COL24A1: variants seen among roughly 807,000 people sequenced by gnomAD.
The protein encoded by COL24A1 is collagen alpha-1(XXIV) chain.
Under a neutral mutation model 253.9 loss-of-function variants are expected in COL24A1, and 224 were observed. That is an observed-to-expected ratio of 0.88 (90% CI 0.79 to 0.99). The LOEUF (loss-of-function observed/expected upper bound fraction) is 0.99, where lower values mean the gene tolerates loss of function less well. Among genes scored for constraint, COL24A1 ranks in the 50% least tolerant of loss-of-function variants. The pLI, the probability that COL24A1 is intolerant of heterozygous loss-of-function variation, is 0.00. For synonymous variants in COL24A1, 685 were observed against 673.7 expected, an observed-to-expected ratio of 1.02 and a Z score of -0.26; for missense variants, 2,131 against 2,068.5, an observed-to-expected ratio of 1.03 and a Z score of -0.59.
At chr1:86,062,601 A>T (rs78292740) in intron 8 of COL24A1, among the ~76,000 whole-genome samples, 7,035 of 152,172 alleles carry the variant, frequency 0.046, 311 homozygotes, top group African/African-American at 0.11. Flanking sequence ...CTTGTGAAGT[A>T]TCAGGTTTCC....
At chr1:86,116,283 C>T (rs189198185) in intron 3 of COL24A1, among the ~76,000 whole-genome samples, 71 of 152,190 alleles carry the variant, frequency 4.7e-4, no homozygotes, top group Admixed American at 1.8e-3. Flanking sequence ...AAATAGTACA[C>T]GATTTCAAAT....
At chr1:86,105,709 G>A (rs1238175028) in intron 5 of COL24A1, among the ~76,000 whole-genome samples, 1 of 152,174 alleles carries the variant, frequency 6.6e-6, no homozygotes, top group Non-Finnish European at 1.5e-5. Flanking sequence ...CACTGGCTGA[G>A]TGCTGCTCCT....
intron 7 of COL24A1, among the ~76,000 whole-genome samples, chr1:86,079,795 A>T (rs970031613): frequency 2.0e-5 from 3 of 152,190 alleles, no homozygotes; most frequent in Non-Finnish European, 2.9e-5. Flanking sequence ...ATGTGGAAAA[A>T]GGAGAATCCT....
chr1:86,009,487 C>T (rs752068632), intron 19 of COL24A1, among the ~76,000 whole-genome samples: 10 of 152,088 alleles, frequency 6.6e-5, no homozygotes, highest in Non-Finnish European at 1.2e-4. Context: ...AGGCTACAAA[C>T]CTGTACAGTA....
At chr1:86,013,686 A>T (rs1696745047) in intron 19 of COL24A1, among the ~76,000 whole-genome samples, 1 of 152,086 alleles carries the variant, frequency 6.6e-6, no homozygotes, top group Non-Finnish European at 1.5e-5. Flanking sequence ...AAATACAAAA[A>T]TTAGCCAGGT....
chr1:86,104,150 T>C lies in COL24A1; in HGVS notation c.1599+8417A>G, dbSNP rs150243860. ...GAAAGCCAGTCTTCAAGCTCTGAGATCTTTCTTCGGCTTGGTCTGTTTTAA... is the reference window on the plus strand; with the variant it reads ...GAAAGCCAGTCTTCAAGCTCTGAGACCTTTCTTCGGCTTGGTCTGTTTTAA... On this transcript the variant is annotated intron_variant, in intron 5 of 59. Coordinates refer to ENST00000370571, the MANE Select transcript of COL24A1 (RefSeq NM_152890.7). Among the ~76,000 whole-genome samples, 407 of 152,300 alleles carry C rather than the reference T, an allele frequency of 2.7e-3. 15 individuals are homozygous for C. In the East Asian group the frequency reaches 0.045, roughly 17 times the overall value.
At chr1:86,090,720 A>T (rs1703433872) in intron 6 of COL24A1, among the ~76,000 whole-genome samples, 1 of 152,136 alleles carries the variant, frequency 6.6e-6, no homozygotes, top group South Asian at 2.1e-4. Context: ...CCATTTTAGG[A>T]ATACCTCTAT....
At chr1:86,143,189 G>T (rs1651403964) in intron 2 of COL24A1, among the ~76,000 whole-genome samples, 1 of 152,084 alleles carries the variant, frequency 6.6e-6, no homozygotes, top group Non-Finnish European at 1.5e-5. Flanking sequence ...TAAGGAAATA[G>T]ACTATGAAAA....
At chr1:85,943,428 CCTGA>C (rs1157866977) in intron 24 of COL24A1, among the ~76,000 whole-genome samples, 18 of 152,314 alleles carry the variant, frequency 1.2e-4, no homozygotes, top group African/African-American at 4.3e-4. Context: ...TCTGAAGAAT[CCTGA>C]CTAACACAAA....
At chr1:85,939,687 T>G (rs1445564737) in intron 24 of COL24A1, among the ~76,000 whole-genome samples, 1 of 152,170 alleles carries the variant, frequency 6.6e-6, no homozygotes, top group Admixed American at 6.5e-5. Flanking sequence ...TTTATAAGTT[T>G]TTTTTGGAAT....
chr1:85,865,124 T>A (rs1441559866), intron 37 of COL24A1, among the ~76,000 whole-genome samples: 1 of 151,906 alleles, frequency 6.6e-6, no homozygotes, highest in Non-Finnish European at 1.5e-5. Context: ...CATTCTGCAG[T>A]CCTCTAGGAA....
At chr1:85,980,705 G>A (rs750612366) in intron 20 of COL24A1, among the ~76,000 whole-genome samples, 3 of 152,042 alleles carry the variant, frequency 2.0e-5, no homozygotes, top group South Asian at 2.1e-4. Flanking sequence ...CCAGGAGATC[G>A]AGACCATCCT....
intron 5 of COL24A1, among the ~76,000 whole-genome samples, chr1:86,107,863 T>C (rs12142577): frequency 0.54 from 82,004 of 151,940 alleles, 22,551 homozygotes; most frequent in Non-Finnish European, 0.61. Flanking sequence ...TAAATCATGG[T>C]CAGTTTTAGC....
intron 8 of COL24A1, among the ~76,000 whole-genome samples, chr1:86,062,955 G>A (rs1701199131): frequency 6.6e-6 from 1 of 151,974 alleles, no homozygotes; most frequent in Non-Finnish European, 1.5e-5. Context: ...TCCCTTTAGG[G>A]TTTCCTGAGT....
At chr1:85,735,241 T>G (rs543532547) in intron 58 of COL24A1, among the ~76,000 whole-genome samples, 3 of 152,192 alleles carry the variant, frequency 2.0e-5, no homozygotes, top group African/African-American at 7.2e-5. Flanking sequence ...GTGAGGTCAC[T>G]GAACACGGCA....
chr1:85,743,980 T>C (rs1256451166), intron 57 of COL24A1, among the ~76,000 whole-genome samples: 2 of 152,140 alleles, frequency 1.3e-5, no homozygotes, highest in African/African-American at 4.8e-5. Context: ...ATAACATAGC[T>C]TTTTCAAATC....
intron 5 of COL24A1, among the ~76,000 whole-genome samples, chr1:86,106,507 C>T (rs1335855928): frequency 6.6e-6 from 1 of 152,042 alleles, no homozygotes; most frequent in Non-Finnish European, 1.5e-5. Context: ...CCACAGATTG[C>T]CTGGACTGGA....
intron 10 of COL24A1, among the ~76,000 whole-genome samples, chr1:86,051,375 G>T (rs1700287474): frequency 6.6e-6 from 1 of 151,888 alleles, no homozygotes; most frequent in South Asian, 2.1e-4. Context: ...GGGAACTTTG[G>T]AAGCAGAATG....
chr1:86,106,633 CG>C (rs1705004206), intron 5 of COL24A1, among the ~76,000 whole-genome samples: 1 of 151,898 alleles, frequency 6.6e-6, no homozygotes, highest in South Asian at 2.1e-4. Flanking sequence ...ATTCCCATCG[CG>C]CTGCAAATAA....
Sources: allele counts gnomAD v4.1 joint callset (sites outside exome capture counted in the v4.1 genomes callset), GRCh38; gene constraint gnomAD v4.1.1; transcripts MANE v1.5; gene names NCBI Gene and HGNC (gene_info 2026-07-23, HGNC 2026-07-21).